The following ADAM19 variants were observed in gnomAD, a reference collection of about 807,000 sequenced individuals.
The protein encoded by ADAM19 is disintegrin and metalloproteinase domain-containing protein 19.
ADAM19 carries 65 observed loss-of-function variants against 114.7 expected under a neutral mutation model. The observed-to-expected ratio is 0.57, with a 90% CI of 0.46 to 0.70. The LOEUF is 0.70. ADAM19 is among the 30% of genes least tolerant of loss of function. ADAM19 has a pLI of 0.00. For missense variants in ADAM19, 1,063 were observed against 1,204.7 expected (o/e 0.88, Z 1.74); for synonymous variants, 466 against 460.5 (o/e 1.01, Z -0.15).
chr5:157,532,178 C>T (rs1410573845), intron 4 of ADAM19, among the ~76,000 whole-genome samples: 1 of 152,162 alleles, frequency 6.6e-6, no homozygotes, highest in Non-Finnish European at 1.5e-5. Flanking sequence ...AGAATTTCTC[C>T]ATCACTACAA....
At chr5:157,530,135 A>G (rs1329679731) in intron 5 of ADAM19, among the ~76,000 whole-genome samples, 1 of 152,166 alleles carries the variant, frequency 6.6e-6, no homozygotes, top group Non-Finnish European at 1.5e-5. Flanking sequence ...GGATTAGCCA[A>G]TTCCTAGAGA....
intron 7 of ADAM19, among the ~76,000 whole-genome samples, chr5:157,516,645 C>T (rs1229689793): frequency 2.0e-5 from 3 of 152,170 alleles, no homozygotes; most frequent in African/African-American, 7.2e-5. Context: ...CCAGGAACTT[C>T]CATGTAACCA....
Position 157,512,259 on chromosome 5 carries a change from A to G in ADAM19, c.738+1175T>C, listed in dbSNP as rs190115619. On this transcript the variant is annotated intron_variant, in intron 8 of 22. Coordinates refer to ENST00000257527, the MANE Select transcript of ADAM19 (RefSeq NM_033274.5). ...CCAGAGCCATCTAGGGCAGAAAAAA[A>G]CCATGGGCATGGAAACTGCCATCTG... Among the ~76,000 whole-genome samples the G allele has an allele frequency of 2.6e-5, 4 of 152,346 alleles. No homozygotes were observed. In the East Asian group the frequency reaches 7.7e-4, roughly 29 times the overall value.
At position 157,530,863 on chromosome 5, in the gene ADAM19, G is replaced by GC; in HGVS notation, c.350dup (p.Thr118HisfsTer19). The GC allele has an allele frequency of 6.2e-7, 1 of 1,614,206 alleles. No individual in the cohort carries two copies. Among genetic ancestry groups the GC allele is most frequent in the Non-Finnish European group, 8.5e-7 (1 of 1,180,026 alleles). ...TGGACAGTTCTGTCTCCCTCACCGT[G>GC]CCGTGGTAAAAGCAGTGATCCTAGC... is the stretch of plus-strand genomic sequence containing the variant. On this transcript the variant is annotated frameshift_variant, in exon 5 of 23. Coordinates refer to ENST00000257527, the MANE Select transcript of ADAM19 (RefSeq NM_033274.5). LOFTEE classifies it high-confidence loss of function.
chr5:157,552,137 C>G (rs1757216766), intron 3 of ADAM19, among the ~76,000 whole-genome samples: 1 of 151,864 alleles, frequency 6.6e-6, no homozygotes, highest in African/African-American at 2.4e-5. Context: ...GGGGACAGAT[C>G]AAGACTCTGT....
chr5:157,497,696 A>G (rs956055847), intron 13 of ADAM19, among the ~76,000 whole-genome samples: 16 of 152,298 alleles, frequency 1.1e-4, no homozygotes, highest in African/African-American at 3.8e-4. Flanking sequence ...TGTGTGACAT[A>G]CACGTATCTC....
chr5:157,574,337 A>C (rs1287605202), intron 1 of ADAM19, among the ~76,000 whole-genome samples: 1 of 152,116 alleles, frequency 6.6e-6, no homozygotes, highest in Non-Finnish European at 1.5e-5. Context: ...GTCTTTCTTC[A>C]TGCTTTTCTC....
rs947881670 is a variant in ADAM19, at chr5:157,480,708, C to T, written c.*241G>A. ...CCCTCCTCATACTCTCCCCTCCCTA[C>T]CTGGGGCTGTATATTGCACAAAACA... On this transcript the variant is annotated 3_prime_UTR_variant, in exon 23 of 23. Coordinates refer to ENST00000257527, the MANE Select transcript of ADAM19 (RefSeq NM_033274.5). 27 of 1,334,234 alleles carry T rather than the reference C, an allele frequency of 2.0e-5. No homozygotes were observed. Among genetic ancestry groups the T allele is most frequent in the Admixed American group, 6.5e-5 (2 of 30,918 alleles). 82.6% of individuals were successfully genotyped at this position (1,334,234 alleles called of 1,614,324 possible). A position where few individuals can be genotyped will look rare whatever the true frequency, so the allele number is the denominator to read the frequency against.
Position 157,477,396 on chromosome 5 carries a change from C to A in ADAM19, c.*3553G>T. 1 of 1,013,602 alleles carries A rather than the reference C, an allele frequency of 9.9e-7. No individual in the cohort carries two copies. The highest frequency in any genetic ancestry group is 1.7e-5 in the African/African-American group (1 of 58,452). 62.8% of individuals were successfully genotyped at this position (1,013,602 alleles called of 1,614,324 possible). On this transcript the variant is annotated 3_prime_UTR_variant, in exon 23 of 23. Coordinates refer to ENST00000257527, the MANE Select transcript of ADAM19 (RefSeq NM_033274.5). Reference sequence around the variant, plus strand: ...CATTCAAGTATTTTGCATAGATGTACAAATATTGTAAACAATTAATAGGTG... The same window carrying A: ...CATTCAAGTATTTTGCATAGATGTAAAAATATTGTAAACAATTAATAGGTG...
At chr5:157,509,256 C>T (rs766313410) in intron 9 of ADAM19, 45 bp downstream of exon 9, 3 of 1,543,450 alleles carry the variant, frequency 1.9e-6, no homozygotes, top group Non-Finnish European at 2.6e-6. Flanking sequence ...TGGGCAGAGG[C>T]TTTGCAGCCA....
At chr5:157,516,934 G>GAA (rs1403360738) in intron 7 of ADAM19, among the ~76,000 whole-genome samples, 2 of 95,026 alleles carry the variant, frequency 2.1e-5, no homozygotes, top group African/African-American at 1.3e-4. Flanking sequence ...AGAAAACATA[G>GAA]AACACACACA....
At chr5:157,573,786 A>G (rs72811357) in intron 1 of ADAM19, among the ~76,000 whole-genome samples, 1 of 151,802 alleles carries the variant, frequency 6.6e-6, no homozygotes, top group Non-Finnish European at 1.5e-5. Context: ...GAAGGAAATT[A>G]AAAAAGAAAG....
At chr5:157,523,564 C>T (rs1581326764) in intron 5 of ADAM19, among the ~76,000 whole-genome samples, 1 of 152,290 alleles carries the variant, frequency 6.6e-6, no homozygotes, top group Middle Eastern at 3.4e-3. Context: ...TCTCTCTCAC[C>T]ACTTGATCTC....
At chr5:157,524,317 T>C (rs1303431850) in intron 5 of ADAM19, among the ~76,000 whole-genome samples, 1 of 152,240 alleles carries the variant, frequency 6.6e-6, no homozygotes, top group African/African-American at 2.4e-5. Context: ...CAGCCTCACA[T>C]GCCATTCTCC....
chr5:157,493,220 C>G, intron 15 of ADAM19, 43 bp from the exon 16 acceptor site: 1 of 1,598,442 alleles, frequency 6.3e-7, no homozygotes, highest in East Asian at 2.2e-5. Flanking sequence ...GAATCAGAGG[C>G]AGAGGAAGAG....
intron 5 of ADAM19, 134 bp from the exon 6 acceptor site, chr5:157,520,165 C>T (rs1236263333): frequency 5.1e-6 from 4 of 777,648 alleles, no homozygotes; most frequent in African/African-American, 1.7e-5. Context: ...AATTATGGGG[C>T]CATGTACCCC....
At chr5:157,538,569 A>G (rs1756829932) in intron 3 of ADAM19, among the ~76,000 whole-genome samples, 1 of 152,216 alleles carries the variant, frequency 6.6e-6, no homozygotes, top group Admixed American at 6.5e-5. Flanking sequence ...TCCTGCTACA[A>G]GGGTTCCCTA....
intron 4 of ADAM19, among the ~76,000 whole-genome samples, chr5:157,531,435 G>A (rs1015825367): frequency 2.0e-5 from 3 of 152,194 alleles, no homozygotes; most frequent in African/African-American, 7.2e-5. Context: ...GGGAGGCTGA[G>A]GCAGATGGAT....
At chr5:157,573,112 C>A (rs1757876208) in intron 1 of ADAM19, among the ~76,000 whole-genome samples, 1 of 151,992 alleles carries the variant, frequency 6.6e-6, no homozygotes, top group Admixed American at 6.6e-5. Flanking sequence ...AAAAGGAATT[C>A]TATAATATTT....
Sources: allele counts gnomAD v4.1 joint callset (sites outside exome capture counted in the v4.1 genomes callset), GRCh38; gene constraint gnomAD v4.1.1; transcripts MANE v1.5; gene names NCBI Gene and HGNC (gene_info 2026-07-23, HGNC 2026-07-21).